Variants in CROCC2 observed in about 807,000 individuals in gnomAD.
CROCC2 encodes ciliary rootlet coiled-coil protein 2.
Under a neutral mutation model 177.6 loss-of-function variants are expected in CROCC2, and 163 were observed. The ratio of observed to expected loss-of-function variants is 0.92; its 90% confidence interval spans 0.81 to 1.05. The LOEUF (loss-of-function observed/expected upper bound fraction) is 1.05. CROCC2 is among the 50% of genes least tolerant of loss of function. The pLI, the probability that CROCC2 is intolerant of heterozygous loss-of-function variation, is 0.00. For missense variants in CROCC2, 1,929 were observed against 1,797.8 expected, an observed-to-expected ratio of 1.07 and a Z score of -1.32; for synonymous variants, 904 against 787.3, an observed-to-expected ratio of 1.15 and a Z score of -2.48.
chr2:240,918,797 C>T lies in CROCC2; in HGVS notation c.150C>T (p.Gly50=). The change falls in exon 2 of 32, where the codon GGC becomes GGT. Residue 50 remains glycine, a synonymous_variant. Transcript: ENST00000690015. The surrounding 1 kb of genome is among the most constrained non-coding windows in gnomAD (Gnocchi z 6.3). ...GGGCGCTGACCGTGCGTGGGGAAGG[C>T]CGGCAGGCCTCGCCCACCCCCGTGC... The part of the protein sequence containing the change: ...EDRALTVRGE[G]RQASPTPVPT... 2 of 603,366 alleles carry T rather than the reference C, an allele frequency of 3.3e-6. No individual in the cohort carries two copies. Among genetic ancestry groups the T allele is most frequent in the East Asian group, 3.1e-5 (1 of 32,586 alleles). The allele number at this position is 603,366 out of a possible 1,614,324, so 37.4% of individuals were successfully genotyped here.
In CROCC2 at chr2:240,964,589, G is replaced by A. The variant is rs1337108805; in HGVS notation, c.3429G>A (p.Gly1143=). 1.9e-6 allele frequency: 3 copies of A among 1,549,408 alleles called. No individual in the cohort carries two copies. Among genetic ancestry groups the A allele is most frequent in the Non-Finnish European group, 2.6e-6 (3 of 1,146,798 alleles). ...AHLWELEQAG[G]DARQELRELH... ...TGTGGGAGCTGGAGCAGGCAGGGGG[G>A]GACGCCCGTCAGGAGCTCCGGGAAC... The change falls in exon 22 of 32, where the codon GGG becomes GGA. Residue 1143 remains glycine (G), a synonymous_variant. Transcript: ENST00000690015.
chr2:240,966,188 T>C (rs998404998), intron 24 of CROCC2, 37 bp from the exon 25 acceptor site: 1 of 1,166,832 alleles, frequency 8.6e-7, no homozygotes. Flanking sequence ...TGTCACTGTG[T>C]TCCTGTCCAC....
At chr2:240,981,152 G>A (rs1218434114) in intron 27 of CROCC2, among the ~76,000 whole-genome samples, 1 of 145,660 alleles carries the variant, frequency 6.9e-6, no homozygotes, top group Non-Finnish European at 1.5e-5. Context: ...TCAGTCTCTG[G>A]GGTAGGAGCC....
rs1369296459 is a variant in CROCC2, at chr2:240,949,517, A to T, written c.2483-16A>T. 1 of 1,548,224 alleles carries T rather than the reference A, an allele frequency of 6.5e-7. No homozygotes were observed. The highest frequency in any genetic ancestry group is 2.4e-5 in the East Asian group (1 of 40,818). On this transcript the variant is annotated splice_polypyrimidine_tract_variant and intron_variant, in intron 16 of 31. Transcript: ENST00000690015. This position sits in a 1 kb window ranked among gnomAD's most constrained non-coding sequence, Gnocchi z 4.5. ...CACATGCCAGGCCCTGGTGCATCTC[A>T]CCCATCACCCCACAGTGGAAATGGA... is the stretch of plus-strand genomic sequence containing the variant.
chr2:240,928,772 C>T (rs915248074), intron 5 of CROCC2, among the ~76,000 whole-genome samples: 2 of 151,550 alleles, frequency 1.3e-5, no homozygotes, highest in African/African-American at 4.9e-5. Flanking sequence ...AGCACGCCCT[C>T]GGAGGGCGTG....
At chr2:240,971,147 C>T (rs758818827) in intron 27 of CROCC2, among the ~76,000 whole-genome samples, 1 of 152,232 alleles carries the variant, frequency 6.6e-6, no homozygotes, top group Admixed American at 6.5e-5. Context: ...TCTCCACGTG[C>T]CTCACACCTC....
intron 29 of CROCC2, 138 bp downstream of exon 29, chr2:240,989,008 C>A: frequency 1.1e-6 from 1 of 937,168 alleles, no homozygotes; most frequent in Non-Finnish European, 1.4e-6. Flanking sequence ...GGTGGCTGGA[C>A]CAGCTTCTGC....
chr2:240,951,678 A>ATCAT (rs1241616455), intron 18 of CROCC2, among the ~76,000 whole-genome samples: 1 of 148,498 alleles, frequency 6.7e-6, no homozygotes, highest in Non-Finnish European at 1.5e-5. Context: ...AACCCATCTG[A>ATCAT]CCATCCATCC....
chr2:240,955,815 C>T (rs1460605559), intron 18 of CROCC2, 44 bp from the exon 19 acceptor site: 19 of 1,424,234 alleles, frequency 1.3e-5, no homozygotes, highest in Admixed American at 4.0e-5. Context: ...TTCCCTCCCC[C>T]GAGACTCCCC....
At chr2:240,980,975 TA>T in intron 27 of CROCC2, among the ~76,000 whole-genome samples, 1 of 82,788 alleles carries the variant, frequency 1.2e-5, no homozygotes, top group Non-Finnish European at 2.2e-5. Context: ...GGCTCTGGGG[TA>T]GGAGCCTCAG....
At chr2:240,910,853 G>A (rs1016773987) in intron 1 of CROCC2, among the ~76,000 whole-genome samples, 6 of 151,952 alleles carry the variant, frequency 3.9e-5, no homozygotes, top group African/African-American at 1.2e-4. Flanking sequence ...TTTTCTGGCC[G>A]GGTGCAGTGA....
In CROCC2 at chr2:240,935,029, G is replaced by A. The variant is rs1313427568; in HGVS notation, c.1905G>A (p.Gln635=). 2.1e-6 allele frequency: 3 copies of A among 1,404,634 alleles called. No individual in the cohort carries two copies. Among genetic ancestry groups the A allele is most frequent in the South Asian group, 1.6e-5 (1 of 61,782 alleles). The allele number at this position is 1,404,634 out of a possible 1,614,324, so 87.0% of individuals were successfully genotyped here. A position where few individuals can be genotyped will look rare whatever the true frequency, so the allele number is the denominator to read the frequency against. Residue 635 remains glutamine, a synonymous_variant, in exon 13 of 32, where the codon CAG becomes CAA. Coordinates refer to ENST00000690015, the MANE Select transcript of CROCC2 (RefSeq NM_001351305.2). ...AMAALMEGLA[Q]DKSALNHLAL... ...CCGCCTTGATGGAGGGGTTGGCTCA[G>A]GACAAAAGTGCCCTGAACCACCTGG...
intron 15 of CROCC2, among the ~76,000 whole-genome samples, chr2:240,947,505 G>A (rs1167374688): frequency 1.3e-5 from 2 of 152,222 alleles, no homozygotes; most frequent in Admixed American, 6.5e-5. Flanking sequence ...GGCCCATTGA[G>A]CCTCTGGTGA....
In CROCC2 at chr2:240,934,320, T is replaced by C. The variant is rs528354872; in HGVS notation, c.1647-11T>C. ...CTGAGCGACCTCCCGCCCTCTGGTC[T>C]GGGGCCTCAGTCAAGGCCGCCTGCA... is the stretch of plus-strand genomic sequence containing the variant. On this transcript the variant is annotated splice_polypyrimidine_tract_variant and intron_variant, in intron 11 of 31. Coordinates refer to ENST00000690015, the MANE Select transcript of CROCC2 (RefSeq NM_001351305.2). The C allele has an allele frequency of 5.2e-5, 80 of 1,548,142 alleles. 1 individual carries two copies. In the South Asian group the frequency reaches 9.5e-4, roughly 18 times the overall value.
chr2:240,975,959 G>A (rs112470082), intron 27 of CROCC2, among the ~76,000 whole-genome samples: 3,447 of 152,134 alleles, frequency 0.023, 158 homozygotes, highest in African/African-American at 0.079. Flanking sequence ...TCGAACTCCT[G>A]ACCTCAGAAA....
chr2:240,942,322 A>G (rs1026904274), intron 14 of CROCC2, among the ~76,000 whole-genome samples: 8 of 152,288 alleles, frequency 5.3e-5, no homozygotes, highest in African/African-American at 1.7e-4. Flanking sequence ...TCTTTTCACA[A>G]ACATTTCAGT....
At chr2:240,974,441 A>G (rs1574791755) in intron 27 of CROCC2, among the ~76,000 whole-genome samples, 1 of 150,952 alleles carries the variant, frequency 6.6e-6, no homozygotes, top group East Asian at 1.9e-4. Flanking sequence ...TCCTGGGCTC[A>G]AGCGATCCTC....
Position 240,959,427 on chromosome 2 carries a change from G to A in CROCC2, c.3070G>A (p.Gly1024Ser). The A allele has an allele frequency of 6.4e-7, 1 of 1,550,440 alleles. No homozygotes were observed. The highest frequency in any genetic ancestry group is 2.4e-5 in the East Asian group (1 of 40,910). ...ESLQDLAAERGDVEREAERLR... is the reference protein window; with the variant it reads ...ESLQDLAAERSDVEREAERLR... ...CCTCCAGGACCTAGCGGCTGAGCGG[G>A]GCGATGTGGAGAGAGAGGTGAGAGG... The change falls in exon 20 of 32, where the codon GGC (glycine) becomes AGC (serine). Residue 1024 changes from glycine (G) to serine (S), a missense_variant. Around this residue, in one of 3 missense-constraint regions of CROCC2, gnomAD observed 1,397 missense variants for 1,239.9 expected, o/e 1.13. Transcript: ENST00000690015.
chr2:240,907,688 G>A (rs2059265057), intron 1 of CROCC2, among the ~76,000 whole-genome samples: 1 of 152,052 alleles, frequency 6.6e-6, no homozygotes, highest in Non-Finnish European at 1.5e-5. Context: ...ACAAAGAGGT[G>A]CCGTGGGGTG....
Sources: allele counts gnomAD v4.1 joint callset (sites outside exome capture counted in the v4.1 genomes callset), GRCh38; gene constraint gnomAD v4.1.1; regional missense constraint gnomAD v4.1.1; non-coding constraint Gnocchi (gnomAD v3.1); transcripts MANE v1.5; gene names NCBI Gene and HGNC (gene_info 2026-07-23, HGNC 2026-07-21).